FBXL7: variants seen among roughly 807,000 people sequenced by gnomAD.
FBXL7 encodes the protein F-box/LRR-repeat protein 7.
A neutral mutation model predicts 38.3 loss-of-function variants in FBXL7; 12 were observed. That is an observed-to-expected ratio of 0.31 (90% CI 0.20 to 0.51). FBXL7 has a LOEUF of 0.51. FBXL7 is among the 20% of genes least tolerant of loss of function. The pLI is 0.98. For synonymous variants in FBXL7, 297 were observed against 300.9 expected, an observed-to-expected ratio of 0.99 and a Z score of 0.13; for missense variants, 567 against 676.4, an observed-to-expected ratio of 0.84 and a Z score of 1.79.
chr5:15,768,489 C>A (rs562784579), intron 2 of FBXL7, among the ~76,000 whole-genome samples: 1 of 151,642 alleles, frequency 6.6e-6, no homozygotes, highest in South Asian at 2.1e-4. Flanking sequence ...CGAGATCATG[C>A]CACTGCACTC....
chr5:15,516,764 G>A (rs1330246352), intron 1 of FBXL7, among the ~76,000 whole-genome samples: 3 of 152,090 alleles, frequency 2.0e-5, no homozygotes, highest in African/African-American at 7.2e-5. Context: ...GAGTTCTCAC[G>A]AGATCTGACG....
At chr5:15,812,018 C>T (rs1579484366) in intron 2 of FBXL7, among the ~76,000 whole-genome samples, 1 of 152,124 alleles carries the variant, frequency 6.6e-6, no homozygotes, top group Non-Finnish European at 1.5e-5. Context: ...AATCATTCTA[C>T]TCTAAAGACA....
chr5:15,875,669 CA>C (rs1740171174), intron 2 of FBXL7, among the ~76,000 whole-genome samples: 1 of 152,156 alleles, frequency 6.6e-6, no homozygotes, highest in South Asian at 2.1e-4. Context: ...CGTCGCTGGC[CA>C]TTAGAGAAAT....
intron 2 of FBXL7, among the ~76,000 whole-genome samples, chr5:15,858,598 TTATC>T (rs1280377026): frequency 2.6e-5 from 4 of 152,168 alleles, no homozygotes; most frequent in Non-Finnish European, 4.4e-5. Flanking sequence ...TTAGTGGGAA[TTATC>T]TAATGTGCAC....
intron 2 of FBXL7, among the ~76,000 whole-genome samples, chr5:15,889,326 T>A (rs931057735): frequency 1.3e-5 from 2 of 152,168 alleles, no homozygotes; most frequent in Admixed American, 1.3e-4. Flanking sequence ...GGATTAAGAT[T>A]CCTTGCTGTG....
At chr5:15,638,454 A>C (rs1741256667) in intron 2 of FBXL7, among the ~76,000 whole-genome samples, 1 of 152,214 alleles carries the variant, frequency 6.6e-6, no homozygotes, top group South Asian at 2.1e-4. Context: ...GCTCCACCCT[A>C]GGCCTGTCTA....
chr5:15,915,467 A>G (rs966232832), intron 2 of FBXL7, among the ~76,000 whole-genome samples: 3 of 152,192 alleles, frequency 2.0e-5, no homozygotes, highest in African/African-American at 4.8e-5. Flanking sequence ...CCCTCTGCAT[A>G]TGAGTCTTTC....
Position 15,928,510 on chromosome 5 carries a change from A to T in FBXL7, c.739+9A>T, listed in dbSNP as rs763820354. On this transcript the variant is annotated intron_variant, in intron 3 of 3. Coordinates refer to ENST00000504595, the MANE Select transcript of FBXL7 (RefSeq NM_012304.5). The surrounding 1 kb of genome is among the most constrained non-coding windows in gnomAD (Gnocchi z 4.0). Reference sequence around the variant, plus strand: ...GCACCTGGATGTGTCAGGTAAATGGACACTGACCTACCAGCTATGGGCCCT... The same window carrying T: ...GCACCTGGATGTGTCAGGTAAATGGTCACTGACCTACCAGCTATGGGCCCT... The T allele has an allele frequency of 1.9e-6, 3 of 1,602,142 alleles. No individual in the cohort carries two copies. The African/African-American group carries it at 4.0e-5, about 21-fold the overall frequency.
At chr5:15,562,908 T>A (rs1287594296) in intron 1 of FBXL7, among the ~76,000 whole-genome samples, 1 of 152,172 alleles carries the variant, frequency 6.6e-6, no homozygotes, top group African/African-American at 2.4e-5. Context: ...ATTCATACAT[T>A]AGCCATTATG....
At chr5:15,740,134 A>C (rs1017171184) in intron 2 of FBXL7, among the ~76,000 whole-genome samples, 2 of 152,110 alleles carry the variant, frequency 1.3e-5, no homozygotes, top group African/African-American at 4.8e-5. Context: ...TTTAAGTCCA[A>C]AGTATGGGAA....
intron 2 of FBXL7, among the ~76,000 whole-genome samples, chr5:15,889,495 C>CAGA (rs1220540008): frequency 6.6e-6 from 1 of 152,192 alleles, no homozygotes; most frequent in Non-Finnish European, 1.5e-5. Flanking sequence ...GTTAAAGCAG[C>CAGA]AGAAGCTACT....
At chr5:15,515,875 T>C (rs1025617823) in intron 1 of FBXL7, among the ~76,000 whole-genome samples, 1 of 152,182 alleles carries the variant, frequency 6.6e-6, no homozygotes, top group Non-Finnish European at 1.5e-5. Flanking sequence ...AACATTCCAC[T>C]GAGATTATCA....
rs1166268796 is a variant in FBXL7 at position 15,926,407 on chromosome 5, A to G, written c.128-1483A>G. Reference sequence around the variant, plus strand: ...TATATTATGTAGATACAAAATTTATATTATATTGGATCTAATAATACATAT... The same window carrying G: ...TATATTATGTAGATACAAAATTTATGTTATATTGGATCTAATAATACATAT... On this transcript the variant is annotated intron_variant, in intron 2 of 3. Transcript: ENST00000504595. 6.1e-5 allele frequency among the ~76,000 whole-genome samples: 9 copies of G among 148,294 alleles called. No individual in the cohort carries two copies. In the East Asian group the frequency reaches 1.6e-3, roughly 26 times the overall value.
At chr5:15,891,120 G>C (rs1462889855) in intron 2 of FBXL7, among the ~76,000 whole-genome samples, 1 of 152,138 alleles carries the variant, frequency 6.6e-6, no homozygotes, top group Non-Finnish European at 1.5e-5. Flanking sequence ...ATACTGAGAT[G>C]GAGTACTTTT....
intron 2 of FBXL7, among the ~76,000 whole-genome samples, chr5:15,879,950 G>A (rs11948399): frequency 0.53 from 80,992 of 151,754 alleles, 22,845 homozygotes; most frequent in Non-Finnish European, 0.64. Flanking sequence ...CAAATCTATC[G>A]ACTAATTTAA....
intron 2 of FBXL7, among the ~76,000 whole-genome samples, chr5:15,866,601 G>A (rs1225222355): frequency 6.6e-6 from 1 of 151,816 alleles, no homozygotes; most frequent in Non-Finnish European, 1.5e-5. Flanking sequence ...TGTTACATAG[G>A]CATATGTGTG....
chr5:15,841,830 C>G (rs1417303980), intron 2 of FBXL7, among the ~76,000 whole-genome samples: 1 of 152,208 alleles, frequency 6.6e-6, no homozygotes, highest in Non-Finnish European at 1.5e-5. Context: ...TGGTGTTGGT[C>G]CTGCAGGTGC....
Position 15,527,721 on chromosome 5 carries a change from T to G in FBXL7, c.37+27008T>G, listed in dbSNP as rs182296209. 1.1e-4 allele frequency among the ~76,000 whole-genome samples: 17 copies of G among 152,308 alleles called. No homozygotes were observed. The East Asian group carries it at 2.9e-3, about 26-fold the overall frequency. On this transcript the variant is annotated intron_variant, in intron 1 of 3. Coordinates refer to ENST00000504595, the MANE Select transcript of FBXL7 (RefSeq NM_012304.5). Reference sequence around the variant, plus strand: ...GGTTCATAAGCTTTACTCATAGAATTGCTTTTAGGACATATTAAAAGGAGT... The same window carrying G: ...GGTTCATAAGCTTTACTCATAGAATGGCTTTTAGGACATATTAAAAGGAGT...
At chr5:15,629,318 G>A (rs768584103) in intron 2 of FBXL7, among the ~76,000 whole-genome samples, 1 of 152,132 alleles carries the variant, frequency 6.6e-6, no homozygotes, top group Non-Finnish European at 1.5e-5. Context: ...TGGGAGTCAA[G>A]CAAAGGGTTC....
Sources: allele counts gnomAD v4.1 joint callset (sites outside exome capture counted in the v4.1 genomes callset), GRCh38; gene constraint gnomAD v4.1.1; non-coding constraint Gnocchi (gnomAD v3.1); transcripts MANE v1.5; gene names NCBI Gene and HGNC (gene_info 2026-07-23, HGNC 2026-07-21).